The following TRPM7 variants were observed in gnomAD, a reference collection of about 807,000 sequenced individuals.
The protein encoded by TRPM7 is LTRPC ion channel family member 7.
A neutral mutation model predicts 229.7 loss-of-function variants in TRPM7; 134 were observed. The observed-to-expected ratio is 0.58, with a 90% confidence interval of 0.51 to 0.67. The LOEUF is 0.67. Among genes scored for constraint, TRPM7 ranks in the 30% least tolerant of loss-of-function variants. The pLI, the probability that TRPM7 is intolerant of heterozygous loss-of-function variation, is 0.00. For synonymous variants in TRPM7, 699 were observed against 715.2 expected (o/e 0.98, Z 0.36); for missense variants, 1,901 against 2,210.0 (o/e 0.86, Z 2.80).
chr15:50,584,345 G>C (rs963384279), intron 28 of TRPM7, among the ~76,000 whole-genome samples: 5 of 152,132 alleles, frequency 3.3e-5, no homozygotes, highest in African/African-American at 1.2e-4. Context: ...ATATCATGAA[G>C]AAATCTGGTT....
intron 17 of TRPM7, 64 bp from the exon 18 acceptor site, chr15:50,610,025 C>T (rs766321505): frequency 3.4e-6 from 4 of 1,162,864 alleles, no homozygotes; most frequent in South Asian, 1.8e-5. Context: ...ATAATAAAAA[C>T]AAAACAAAGA....
Position 50,638,358 on chromosome 15 carries a change from C to CAAAAA in TRPM7, c.661-770_661-766dup, listed in dbSNP as rs60939201. ...TGGGCGACAGAGCGAGACTCCGTCT[C>CAAAAA]AAAAAAAAAAAAAAAAAAAAAAAAA... On this transcript the variant is annotated intron_variant, in intron 6 of 38. Transcript: ENST00000646667. Among the ~76,000 whole-genome samples, 6 of 42,284 alleles carry CAAAAA rather than the reference C, an allele frequency of 1.4e-4. 1 individual carries two copies. Among genetic ancestry groups the CAAAAA allele is most frequent in the African/African-American group, 7.4e-4 (6 of 8,106 alleles). 27.7% of individuals were successfully genotyped at this position (42,284 alleles called of 152,430 possible).
chr15:50,649,628 T>C (rs2061361931), intron 3 of TRPM7, among the ~76,000 whole-genome samples: 1 of 152,096 alleles, frequency 6.6e-6, no homozygotes, highest in African/African-American at 2.4e-5. Context: ...TGAACTAATC[T>C]ATATAGTGAC....
chr15:50,585,042 A>ATTT (rs2054620284), intron 28 of TRPM7, among the ~76,000 whole-genome samples: 4 of 108,784 alleles, frequency 3.7e-5, no homozygotes, highest in African/African-American at 1.5e-4. Context: ...CATCTAGCTA[A>ATTT]TTTTTGTATT....
intron 29 of TRPM7, chr15:50,582,434 C>T (rs2054466592): frequency 6.6e-6 from 1 of 152,018 alleles, no homozygotes; most frequent in African/African-American, 2.4e-5. Flanking sequence ...AAATCAAATA[C>T]CGTTTATGTA....
At position 50,679,514 on chromosome 15, in the gene TRPM7, ATATATATATATATAT is replaced by A. The variant is rs2062186390; in HGVS notation, c.3+7002_3+7016del. Among the ~76,000 whole-genome samples the A allele has an allele frequency of 4.5e-5, 4 of 89,576 alleles. No homozygotes were observed. The South Asian group carries it at 1.2e-3, about 27-fold the overall frequency. 58.8% of individuals were successfully genotyped at this position (89,576 alleles called of 152,430 possible). On this transcript the variant is annotated intron_variant, in intron 1 of 38. Transcript: ENST00000646667. ...TTATATATATGTGTATATATATAATATATATATATATATATATATATATATTTTTTTTTTTTTTTG... is the reference window on the plus strand; with the variant it reads ...TTATATATATGTGTATATATATAATAATATATATATTTTTTTTTTTTTTTG...
Position 50,643,320 on chromosome 15 carries a change from T to C in TRPM7, c.535+20A>G. 1.3e-6 allele frequency: 2 copies of C among 1,589,824 alleles called. No homozygotes were observed. Among genetic ancestry groups the C allele is most frequent in the African/African-American group, 1.3e-5 (1 of 74,142 alleles). On this transcript the variant is annotated intron_variant, in intron 5 of 38. Coordinates refer to ENST00000646667, the MANE Select transcript of TRPM7 (RefSeq NM_017672.6). ...AAAATTAAAACACACTAAATAAAAT[T>C]GGTATAATCATCACATTACCTGTGT...
intron 38 of TRPM7, 47 bp from the exon 39 acceptor site, chr15:50,561,855 A>C (rs979816649): frequency 2.3e-5 from 34 of 1,474,900 alleles, no homozygotes; most frequent in Non-Finnish European, 3.1e-5. Context: ...GAAAGAGAAA[A>C]GAAAAAAGTT....
chr15:50,591,994 T>G lies in TRPM7; in HGVS notation c.4241A>C (p.His1414Pro). ...TTGATCTTTGGTTCCAGTTTCCAAG[T>G]GGCTTTTGCAACTTGGCTGAGATGG... ...STPSQPSCKS[H>P]LETGTKDQET... is the part of the protein sequence containing the mutation. Residue 1414 changes from histidine to proline, a missense_variant, in exon 26 of 39, where the codon CAC (histidine) becomes CCC (proline). His to Pro is a moderately conservative substitution (Grantham distance 77, BLOSUM62 -2). Coordinates refer to ENST00000646667, the MANE Select transcript of TRPM7 (RefSeq NM_017672.6). 1 of 1,611,804 alleles carries G rather than the reference T, an allele frequency of 6.2e-7. No homozygotes were observed. Among genetic ancestry groups the G allele is most frequent in the South Asian group, 1.1e-5 (1 of 90,162 alleles).
intron 2 of TRPM7, among the ~76,000 whole-genome samples, chr15:50,661,192 G>A (rs1479005007): frequency 6.6e-6 from 1 of 151,946 alleles, no homozygotes; most frequent in Non-Finnish European, 1.5e-5. Flanking sequence ...GGCCAGGCTG[G>A]TCTCGAACTC....
intron 1 of TRPM7, among the ~76,000 whole-genome samples, chr15:50,672,609 T>C (rs2062012903): frequency 6.6e-6 from 1 of 151,726 alleles, no homozygotes; most frequent in South Asian, 2.1e-4. Flanking sequence ...AATTTTAAAA[T>C]GTTGAAATAG....
In TRPM7 at chr15:50,642,382, A is replaced by C. The variant is rs10162907; in HGVS notation, c.535+958T>G. Among the ~76,000 whole-genome samples the C allele has an allele frequency of 5.7e-3, 865 of 152,278 alleles. 10 individuals carry two copies. The highest frequency in any genetic ancestry group is 0.02 in the African/African-American group (835 of 41,540). On this transcript the variant is annotated intron_variant, in intron 5 of 38. Transcript: ENST00000646667. ...AAAAATAGCCATAGACAATATATAA[A>C]CTGATATGGTTAAGCTTTGCATCCC...
intron 19 of TRPM7, among the ~76,000 whole-genome samples, chr15:50,608,754 A>G (rs904514499): frequency 1.3e-5 from 2 of 152,240 alleles, no homozygotes; most frequent in Non-Finnish European, 2.9e-5. Context: ...AATCTCCCCA[A>G]CAACAAAGTT....
chr15:50,681,011 G>C lies in TRPM7; in HGVS notation c.3+5520C>G, dbSNP rs138569913. ...CTCATGCCTGTAATCCCAGCACTTTGGGAGGCCAAGGCGGGCAGATCACGA... is the reference window on the plus strand; with the variant it reads ...CTCATGCCTGTAATCCCAGCACTTTCGGAGGCCAAGGCGGGCAGATCACGA... On this transcript the variant is annotated intron_variant, in intron 1 of 38. Transcript: ENST00000646667. 1.6e-4 allele frequency among the ~76,000 whole-genome samples: 24 copies of C among 152,224 alleles called. No individual in the cohort carries two copies. In the South Asian group the frequency reaches 4.6e-3, roughly 29 times the overall value.
intron 12 of TRPM7, among the ~76,000 whole-genome samples, chr15:50,622,725 A>C (rs1443790913): frequency 2.0e-5 from 3 of 152,104 alleles, no homozygotes; most frequent in Non-Finnish European, 4.4e-5. Context: ...ATCTCCACTA[A>C]AAATACAAAA....
Position 50,657,789 on chromosome 15 carries a change from T to C in TRPM7, c.114A>G (p.Gln38=), listed in dbSNP as rs765233103. The change falls in exon 3 of 39, where the codon CAA becomes CAG. Residue 38 remains glutamine (Q), a synonymous_variant. Coordinates refer to ENST00000646667, the MANE Select transcript of TRPM7 (RefSeq NM_017672.6). ...AGTTATGTTAAACTTACCTGACGAG[T>C]TGCTGACAAATTTGACATCCTGGAA... The part of the protein sequence containing the change: ...RCLPGCQICQ[Q]LVRCFCGRLV... 8 of 1,611,700 alleles carry C rather than the reference T, an allele frequency of 5.0e-6. No homozygotes were observed. The highest frequency in any genetic ancestry group is 5.9e-6 in the Non-Finnish European group (7 of 1,178,570).
At chr15:50,635,491 G>A (rs28763655) in intron 7 of TRPM7, among the ~76,000 whole-genome samples, 3,042 of 149,374 alleles carry the variant, frequency 0.02, 118 homozygotes, top group African/African-American at 0.072. Flanking sequence ...GTGAAACCCC[G>A]TCTCTACTAA....
chr15:50,678,584 T>C (rs931884849), intron 1 of TRPM7, among the ~76,000 whole-genome samples: 30 of 149,686 alleles, frequency 2.0e-4, no homozygotes, highest in Non-Finnish European at 4.4e-4. Context: ...TGTCACAGAG[T>C]TCCACTCTTA....
At chr15:50,680,531 T>C (rs1386589662) in intron 1 of TRPM7, among the ~76,000 whole-genome samples, 2 of 150,792 alleles carry the variant, frequency 1.3e-5, no homozygotes, top group Non-Finnish European at 2.9e-5. Flanking sequence ...ATCGCACCAC[T>C]GAACTCTAGC....
Sources: gnomAD v4.1 joint callset for allele counts (sites outside exome capture counted in the v4.1 genomes callset) on GRCh38, gnomAD v4.1.1 for gene constraint, MANE v1.5 for transcripts, NCBI Gene and HGNC (gene_info 2026-07-23, HGNC 2026-07-21) for gene names.